Variants in WWTR1 observed in about 807,000 individuals in gnomAD.
WWTR1 encodes WW domain-containing transcription regulator protein 1.
In WWTR1, 13 loss-of-function variants were observed where a neutral mutation model predicts 40.1. That is an observed-to-expected ratio of 0.32 (90% CI 0.21 to 0.52). WWTR1 has a LOEUF of 0.52. Among genes scored for constraint, WWTR1 ranks in the 20% least tolerant of loss-of-function variants. The pLI is 0.97. For synonymous variants in WWTR1, 230 were observed against 210.1 expected (o/e 1.09, Z -0.82); for missense variants, 436 against 523.1 (o/e 0.83, Z 1.63).
At chr3:149,677,194 G>A (rs975248909) in intron 1 of WWTR1, among the ~76,000 whole-genome samples, 2 of 152,088 alleles carry the variant, frequency 1.3e-5, no homozygotes, top group South Asian at 4.1e-4. Flanking sequence ...GGGATTACAG[G>A]AGTGAGCCAC....
At chr3:149,632,580 A>G (rs970805247) in intron 2 of WWTR1, among the ~76,000 whole-genome samples, 2 of 152,254 alleles carry the variant, frequency 1.3e-5, no homozygotes, top group Non-Finnish European at 2.9e-5. Context: ...TGGCAACTGT[A>G]GAAGCCACTA....
intron 1 of WWTR1, chr3:149,702,446 TA>T (rs1282057850): frequency 6.8e-6 from 1 of 146,208 alleles, no homozygotes; most frequent in Non-Finnish European, 1.5e-5. Flanking sequence ...TTAGGTAAGT[TA>T]CTCAACCTCT....
chr3:149,557,732 G>A (rs1045833398), intron 3 of WWTR1, among the ~76,000 whole-genome samples: 8 of 152,174 alleles, frequency 5.3e-5, no homozygotes, highest in African/African-American at 1.9e-4. Flanking sequence ...GCCAGGCACA[G>A]TGGCTCACCC....
At chr3:149,654,011 T>G (rs1713055700) in intron 2 of WWTR1, among the ~76,000 whole-genome samples, 1 of 152,126 alleles carries the variant, frequency 6.6e-6, no homozygotes, top group South Asian at 2.1e-4. Context: ...AGCTCATGCC[T>G]GTAATCCAAG....
intron 2 of WWTR1, among the ~76,000 whole-genome samples, chr3:149,610,464 G>A (rs1346656726): frequency 1.3e-5 from 2 of 152,102 alleles, no homozygotes; most frequent in African/African-American, 4.8e-5. Flanking sequence ...AGTTACAAAT[G>A]GCCACTCTTC....
chr3:149,708,944 T>C (rs1028321644), intron 5 of WWTR1, among the ~76,000 whole-genome samples: 3 of 152,158 alleles, frequency 2.0e-5, no homozygotes, highest in Admixed American at 6.5e-5. Context: ...CATACTAGTG[T>C]TCCAGTTTCT....
At chr3:149,600,589 C>G (rs1682939242) in intron 2 of WWTR1, among the ~76,000 whole-genome samples, 1 of 152,174 alleles carries the variant, frequency 6.6e-6, no homozygotes, top group Non-Finnish European at 1.5e-5. Context: ...GGCCTGGCAC[C>G]TTCCTTTATA....
At chr3:149,654,728 T>C (rs1713095725) in intron 2 of WWTR1, among the ~76,000 whole-genome samples, 1 of 152,234 alleles carries the variant, frequency 6.6e-6, no homozygotes, top group Non-Finnish European at 1.5e-5. Context: ...CCTCAGATAT[T>C]AGGCAAGCCT....
rs981487444 is a variant in WWTR1, at chr3:149,572,867, G to A, written c.565C>T (p.Leu189Phe). Reference sequence around the variant, plus strand: ...TTTAAAAAAGCTTGAGGCTTACCGAGATTTGGCTGGGATACTGCCATGGAC... The same window carrying A: ...TTTAAAAAAGCTTGAGGCTTACCGAAATTTGGCTGGGATACTGCCATGGAC... Reference protein sequence around the residue: ...QRSMAVSQPNLVMNHQHQQQM... With the variant: ...QRSMAVSQPNFVMNHQHQQQM... The change falls in exon 3 of 7, where the codon CTC becomes TTC. Residue 189 changes from leucine (L) to phenylalanine (F), a missense_variant. By Grantham distance (22) the Leu-to-Phe change is conservative. Coordinates refer to ENST00000360632, the MANE Select transcript of WWTR1 (RefSeq NM_015472.6). The A allele has an allele frequency of 6.2e-7, 1 of 1,613,800 alleles. No individual in the cohort carries two copies. The highest frequency in any genetic ancestry group is 1.7e-5 in the Admixed American group (1 of 59,972).
At chr3:149,622,391 T>C (rs1452308681) in intron 2 of WWTR1, among the ~76,000 whole-genome samples, 2 of 149,152 alleles carry the variant, frequency 1.3e-5, no homozygotes, top group African/African-American at 5.0e-5. Flanking sequence ...AAATAACATA[T>C]AACAATGATA....
chr3:149,525,954 C>T lies in WWTR1; in HGVS notation c.1018+59G>A, dbSNP rs1735283207. 1.1e-5 allele frequency: 11 copies of T among 967,230 alleles called. No individual in the cohort carries two copies. In the South Asian group the frequency reaches 2.0e-4, roughly 17 times the overall value. 59.9% of individuals were successfully genotyped at this position (967,230 alleles called of 1,614,324 possible). ...AAAAGAAAAATAAAATTGAGATAAC[C>T]GAAGAGATCATTTAAAAAACACAAA... On this transcript the variant is annotated intron_variant, in intron 6 of 6. Coordinates refer to ENST00000360632, the MANE Select transcript of WWTR1 (RefSeq NM_015472.6).
chr3:149,596,493 C>T (rs1560077350), intron 2 of WWTR1, among the ~76,000 whole-genome samples: 1 of 152,094 alleles, frequency 6.6e-6, no homozygotes, highest in African/African-American at 2.4e-5. Flanking sequence ...AAGGTGAGCC[C>T]ACTTCTCTGT....
In WWTR1 at chr3:149,715,471, C is replaced by T. The variant is rs567076679; in HGVS notation, n.584+1971G>A. Among the ~76,000 whole-genome samples the T allele has an allele frequency of 4.6e-5, 7 of 152,350 alleles. 1 individual carries two copies. The highest frequency in any genetic ancestry group is 2.0e-4 in the Admixed American group (3 of 15,304). ...GAACTGCCTGCCCCCTGGCAGCAGC[C>T]GGCGTATTTGTGCGCAGTGGCCGGA... On this transcript the variant is annotated intron_variant and non_coding_transcript_variant, in intron 5 of 6. Transcript: ENST00000474080.
rs773670232 is a variant in WWTR1 at position 149,527,947 on chromosome 3, A to T, written c.794T>A (p.Leu265His). The change falls in exon 5 of 7, where the codon CTC becomes CAC. Residue 265 changes from leucine to histidine, a missense_variant. Physicochemically the swap from Leu to His is moderately conservative, Grantham distance 99. Transcript: ENST00000360632. ...GGCAAGAGTCTCAGCTTCCATGGGG[A>T]GCTGTCGACAGAGGGCAGCTTCCTA... ...MRQEAALCRQ[L>H]PMEAETLAPV... The T allele has an allele frequency of 1.2e-6, 2 of 1,613,922 alleles. No homozygotes were observed. Among genetic ancestry groups the T allele is most frequent in the Non-Finnish European group, 1.7e-6 (2 of 1,180,018 alleles).
At chr3:149,652,457 C>T (rs189581266) in intron 2 of WWTR1, among the ~76,000 whole-genome samples, 230 of 150,374 alleles carry the variant, frequency 1.5e-3, no homozygotes, top group Non-Finnish European at 2.9e-3. Flanking sequence ...CCTGTCTCTA[C>T]AAAAAAGTTA....
chr3:149,549,272 A>C (rs1318213847), intron 3 of WWTR1, among the ~76,000 whole-genome samples: 1 of 152,208 alleles, frequency 6.6e-6, no homozygotes, highest in East Asian at 1.9e-4. Context: ...TACCTTGGCC[A>C]GGTGATCAAG....
At chr3:149,614,293 AC>A (rs1739867298) in intron 2 of WWTR1, among the ~76,000 whole-genome samples, 2 of 152,152 alleles carry the variant, frequency 1.3e-5, no homozygotes, top group Non-Finnish European at 2.9e-5. Context: ...ACAACACATT[AC>A]CTTTCTCTAT....
intron 6 of WWTR1, among the ~76,000 whole-genome samples, chr3:149,521,496 A>G (rs1735044234): frequency 6.6e-6 from 1 of 152,192 alleles, no homozygotes; most frequent in South Asian, 2.1e-4. Context: ...TCTTTCTGTA[A>G]TACCTACACC....
intron 4 of WWTR1, among the ~76,000 whole-genome samples, chr3:149,532,037 G>A (rs563894751): frequency 6.6e-6 from 1 of 152,198 alleles, no homozygotes; most frequent in Non-Finnish European, 1.5e-5. Context: ...CAGGAGGGCC[G>A]AGTGGCCAGG....
Sources: allele counts gnomAD v4.1 joint callset (sites outside exome capture counted in the v4.1 genomes callset), GRCh38; gene constraint gnomAD v4.1.1; transcripts MANE v1.5; gene names NCBI Gene and HGNC (gene_info 2026-07-23, HGNC 2026-07-21).